Variants in TNKS observed in about 807,000 individuals in gnomAD.
TNKS encodes the protein poly [ADP-ribose] polymerase tankyrase-1.
In TNKS, 72 loss-of-function variants were observed where a neutral mutation model predicts 135.8. The observed-to-expected ratio is 0.53, with a 90% confidence interval of 0.44 to 0.64. The LOEUF is 0.64. Ranked by LOEUF, TNKS falls within the 30% of genes least tolerant of loss-of-function variation. The pLI is 0.00. For synonymous variants in TNKS, 849 were observed against 649.3 expected (o/e 1.31, Z -4.68); for missense variants, 1,769 against 1,674.0 (o/e 1.06, Z -0.99).
chr8:9,680,780 C>T lies in TNKS; in HGVS notation c.1087C>T (p.His363Tyr), dbSNP rs1802748610. 1.9e-6 allele frequency: 3 copies of T among 1,611,546 alleles called. No individual in the cohort carries two copies. In the East Asian group the frequency reaches 6.7e-5, roughly 36 times the overall value. ...ACTGACTCCTCTAAATGTGAATTGC[C>T]ATGCAAGTGATGGGCGAAAGGTAAG... ...ALLTPLNVNC[H>Y]ASDGRKSTPL... Residue 363 changes from histidine (H) to tyrosine (Y), a missense_variant, in exon 5 of 27, where the codon CAT becomes TAT. By Grantham distance (83) the His-to-Tyr change is moderately conservative. Transcript: ENST00000310430.
At position 9,575,353 on chromosome 8, in the gene TNKS, A is replaced by T. The variant is rs185151071; in HGVS notation, c.674-4806A>T. 3 of 981,212 alleles carry T rather than the reference A, an allele frequency of 3.1e-6. No individual in the cohort carries two copies. The African/African-American group carries it at 5.2e-5, about 17-fold the overall frequency. The allele number at this position is 981,212 out of a possible 1,614,324, so 60.8% of individuals were successfully genotyped here. ...GCCTGCTTCGGCCTCCCTAAATTAC[A>T]GGTGTGAGCCACCGCGCCCGGCGGA... On this transcript the variant is annotated intron_variant, in intron 1 of 26. Coordinates refer to ENST00000310430, the MANE Select transcript of TNKS (RefSeq NM_003747.3).
intron 3 of TNKS, among the ~76,000 whole-genome samples, chr8:9,674,231 A>C (rs373560890): frequency 6.6e-6 from 1 of 152,186 alleles, no homozygotes; most frequent in South Asian, 2.1e-4. Context: ...TAACCTGTTC[A>C]TTTTCCAGAT....
chr8:9,660,336 C>G (rs953991305), intron 3 of TNKS, among the ~76,000 whole-genome samples: 2 of 152,120 alleles, frequency 1.3e-5, no homozygotes, highest in South Asian at 4.1e-4. Context: ...CAAAAATCCT[C>G]AATAAAATAC....
chr8:9,628,126 G>A (rs946352671), intron 3 of TNKS, among the ~76,000 whole-genome samples: 1 of 151,596 alleles, frequency 6.6e-6, no homozygotes, highest in Non-Finnish European at 1.5e-5. Context: ...CTGCTCATAT[G>A]TATTGAATTC....
intron 13 of TNKS, among the ~76,000 whole-genome samples, chr8:9,730,478 G>C (rs1040647261): frequency 6.6e-6 from 1 of 152,012 alleles, no homozygotes; most frequent in Non-Finnish European, 1.5e-5. Flanking sequence ...CATTAGAGAC[G>C]GCAAGAGCTC....
intron 17 of TNKS, chr8:9,741,620 G>T (rs1373668913): frequency 1.1e-5 from 5 of 457,766 alleles, no homozygotes; most frequent in African/African-American, 9.8e-5. Flanking sequence ...ATAAAGGAAA[G>T]TTAATTTATA....
intron 3 of TNKS, among the ~76,000 whole-genome samples, chr8:9,647,410 T>C (rs1210130116): frequency 1.3e-5 from 2 of 152,248 alleles, no homozygotes; most frequent in South Asian, 2.1e-4. Flanking sequence ...GAGAGTGAAA[T>C]TGAATAAGAT....
At chr8:9,661,756 C>T (rs1230569138) in intron 3 of TNKS, among the ~76,000 whole-genome samples, 4 of 152,264 alleles carry the variant, frequency 2.6e-5, no homozygotes, top group South Asian at 2.1e-4. Context: ...AACTCAAGAG[C>T]TTCTGCACAG....
intron 26 of TNKS, among the ~76,000 whole-genome samples, chr8:9,772,890 A>C (rs1432956952): frequency 7.0e-6 from 1 of 143,438 alleles, no homozygotes; most frequent in Non-Finnish European, 1.5e-5. Context: ...GGGTGTATCT[A>C]GTATACAGGG....
At chr8:9,682,166 A>G (rs1802809143) in intron 5 of TNKS, among the ~76,000 whole-genome samples, 1 of 152,122 alleles carries the variant, frequency 6.6e-6, no homozygotes, top group Non-Finnish European at 1.5e-5. Flanking sequence ...GATTTCTATC[A>G]CTGTGTAGAA....
intron 21 of TNKS, among the ~76,000 whole-genome samples, chr8:9,762,870 A>G (rs1014928487): frequency 2.0e-5 from 3 of 150,130 alleles, no homozygotes; most frequent in East Asian, 2.0e-4. Context: ...ACGTCACTGC[A>G]CTCCAGCCTG....
intron 24 of TNKS, 25 bp from the exon 25 acceptor site, chr8:9,766,214 A>C (rs1807436783): frequency 6.3e-7 from 1 of 1,583,400 alleles, no homozygotes; most frequent in Admixed American, 1.8e-5. Flanking sequence ...TTCAAAAACG[A>C]ATCTTTCTGT....
chr8:9,765,118 A>AGAGTT (rs1315652443), intron 23 of TNKS, among the ~76,000 whole-genome samples: 1 of 152,198 alleles, frequency 6.6e-6, no homozygotes, highest in Non-Finnish European at 1.5e-5. Flanking sequence ...TTATCATTTG[A>AGAGTT]GAGTTGCATC....
chr8:9,761,459 T>C, intron 20 of TNKS, 57 bp from the exon 21 acceptor site: 1 of 1,582,018 alleles, frequency 6.3e-7, no homozygotes, highest in Non-Finnish European at 8.6e-7. Context: ...TTGGAAAAGC[T>C]TTTGTCCTCT....
At chr8:9,647,125 G>A (rs746775129) in intron 3 of TNKS, among the ~76,000 whole-genome samples, 6 of 152,072 alleles carry the variant, frequency 3.9e-5, no homozygotes, top group Non-Finnish European at 8.8e-5. Flanking sequence ...TTTGTTAAAG[G>A]TATAACTTTA....
chr8:9,645,458 GA>G (rs2128778514), intron 3 of TNKS, among the ~76,000 whole-genome samples: 1 of 152,218 alleles, frequency 6.6e-6, no homozygotes, highest in Non-Finnish European at 1.5e-5. Flanking sequence ...CAAACAGGAC[GA>G]ACCTCAGAAC....
intron 20 of TNKS, among the ~76,000 whole-genome samples, chr8:9,759,493 T>C (rs1182984548): frequency 6.6e-6 from 1 of 152,242 alleles, no homozygotes; most frequent in Non-Finnish European, 1.5e-5. Context: ...TGACTTGCTA[T>C]CAGTCTTTTC....
At chr8:9,702,310 C>A (rs1251273026) in intron 5 of TNKS, among the ~76,000 whole-genome samples, 1 of 145,100 alleles carries the variant, frequency 6.9e-6, no homozygotes, top group Admixed American at 7.1e-5. Context: ...CGTGTGCGTG[C>A]ACACACACAC....
At chr8:9,560,805 C>G (rs58868633) in intron 1 of TNKS, among the ~76,000 whole-genome samples, 2,758 of 151,890 alleles carry the variant, frequency 0.018, 82 homozygotes, top group African/African-American at 0.062. Context: ...AACTGGATTA[C>G]CTTTTACTTA....
Sources: gnomAD v4.1 joint callset for allele counts (sites outside exome capture counted in the v4.1 genomes callset) on GRCh38, gnomAD v4.1.1 for gene constraint, MANE v1.5 for transcripts, NCBI Gene and HGNC (gene_info 2026-07-23, HGNC 2026-07-21) for gene names.